TEX10: variants seen among roughly 807,000 people sequenced by gnomAD.
TEX10 encodes testis expressed 10.
A neutral mutation model predicts 104.4 loss-of-function variants in TEX10; 24 were observed. The observed-to-expected ratio is 0.23, with a 90% confidence interval of 0.17 to 0.32. The LOEUF (loss-of-function observed/expected upper bound fraction) is 0.32, where lower values mean the gene tolerates loss of function less well. Ranked by LOEUF, TEX10 falls within the 10% of genes least tolerant of loss-of-function variation. The pLI is 1.00. For synonymous variants in TEX10, 396 were observed against 393.4 expected (o/e 1.01, Z -0.08); for missense variants, 921 against 1,083.9 (o/e 0.85, Z 2.11).
At chr9:100,318,396 G>T (rs1834475170) in intron 11 of TEX10, among the ~76,000 whole-genome samples, 1 of 152,114 alleles carries the variant, frequency 6.6e-6, no homozygotes, top group Non-Finnish European at 1.5e-5. Context: ...GCTTGTAAGT[G>T]GGAGCTAAAA....
At chr9:100,345,355 CT>C (rs1408748765) in intron 4 of TEX10, among the ~76,000 whole-genome samples, 2 of 152,158 alleles carry the variant, frequency 1.3e-5, no homozygotes, top group Non-Finnish European at 2.9e-5. Flanking sequence ...TAAACTTCAA[CT>C]TGAAATAAAA....
chr9:100,346,146 C>G lies in TEX10; in HGVS notation c.1063G>C (p.Val355Leu). The G allele has an allele frequency of 6.2e-7, 1 of 1,613,956 alleles. No individual in the cohort carries two copies. The change falls in exon 4 of 15, where the codon GTT (valine) becomes CTT (leucine). Residue 355 changes from valine (V) to leucine (L), a missense_variant. This residue lies in a region of TEX10 where 753 missense variants were observed against 868.4 expected (regional missense o/e 0.87). Coordinates refer to ENST00000374902, the MANE Select transcript of TEX10 (RefSeq NM_017746.4). ...ATAATATTAAGAACTTGCTGCATAA[C>G]CTGTAGAGGTTCTCGTTCTATACCA... ...GNGIEREPLQ[V>L]MQQVLNIISL...
chr9:100,347,046 T>C lies in TEX10; in HGVS notation c.541A>G (p.Ile181Val), dbSNP rs766968984. The C allele has an allele frequency of 6.7e-5, 108 of 1,614,088 alleles. No homozygotes were observed. Among genetic ancestry groups the C allele is most frequent in the Non-Finnish European group, 8.8e-5 (104 of 1,180,036 alleles). ...AGTTCTACAAAATTCTTAAGCAATA[T>C]GCTGCTACGGCCAGTAATTAGAGCT... The part of the protein sequence containing the change: ...YPALITGRSS[I>V]LLKNFVELIS... Residue 181 changes from isoleucine (I) to valine (V), a missense_variant, in exon 3 of 15, where the codon ATA (isoleucine) becomes GTA (valine). Transcript: ENST00000374902.
intron 3 of TEX10, 35 bp from the exon 4 acceptor site, chr9:100,346,350 T>TA: frequency 6.4e-7 from 1 of 1,571,344 alleles, no homozygotes. Context: ...ATTAAGTGAT[T>TA]AAAAAATGTT....
chr9:100,336,906 T>C (rs546583309), intron 5 of TEX10, among the ~76,000 whole-genome samples: 1 of 152,318 alleles, frequency 6.6e-6, no homozygotes, highest in East Asian at 1.9e-4. Context: ...GGGAATCTTT[T>C]GAAAAGTAGG....
At chr9:100,320,733 C>G (rs1834548014) in intron 10 of TEX10, among the ~76,000 whole-genome samples, 1 of 152,146 alleles carries the variant, frequency 6.6e-6, no homozygotes. Flanking sequence ...AGCAAATGAG[C>G]AAGTAAAAGC....
At chr9:100,343,875 G>A (rs561772864) in intron 4 of TEX10, among the ~76,000 whole-genome samples, 1 of 152,290 alleles carries the variant, frequency 6.6e-6, no homozygotes, top group Non-Finnish European at 1.5e-5. Context: ...GCCAGGCAAA[G>A]AGGCTCATGC....
intron 4 of TEX10, 83 bp from the exon 5 acceptor site, chr9:100,340,452 T>C: frequency 1.3e-6 from 1 of 767,514 alleles, no homozygotes; most frequent in Non-Finnish European, 2.1e-6. Context: ...TGACAACTTG[T>C]CAAATAAATG....
chr9:100,345,674 A>G (rs970481433), intron 4 of TEX10, among the ~76,000 whole-genome samples: 2 of 152,182 alleles, frequency 1.3e-5, no homozygotes, highest in Non-Finnish European at 2.9e-5. Context: ...GTCCCTTTCT[A>G]CTAAACCTGG....
chr9:100,329,092 G>T, intron 7 of TEX10, 48 bp downstream of exon 7: 1 of 1,530,896 alleles, frequency 6.5e-7, no homozygotes. Flanking sequence ...TTAGACTACA[G>T]AAAAACTCAG....
chr9:100,314,378 G>A (rs888736204), intron 11 of TEX10, among the ~76,000 whole-genome samples: 9 of 152,092 alleles, frequency 5.9e-5, no homozygotes, highest in African/African-American at 2.4e-5. Context: ...GAGCCACTGC[G>A]CCCGGCCTGG....
chr9:100,317,817 A>T (rs1406409490), intron 11 of TEX10, among the ~76,000 whole-genome samples: 1 of 152,232 alleles, frequency 6.6e-6, no homozygotes, highest in Non-Finnish European at 1.5e-5. Flanking sequence ...AAAAGTAGAC[A>T]AAAGGATATG....
intron 4 of TEX10, among the ~76,000 whole-genome samples, chr9:100,344,169 C>A (rs1050986003): frequency 6.6e-6 from 1 of 152,090 alleles, no homozygotes; most frequent in South Asian, 2.1e-4. Flanking sequence ...TTATTCCTAT[C>A]TGAATTTATT....
rs766088923 is a variant in TEX10, at chr9:100,303,725, G to C, written c.2583C>G (p.Gly861=). ...RVGPEELPVV[G]QLLRLLLQHA... ...GCTGAAGCAGCAGTCGAAGCAGCTGGCCCACAACAGGCAGCTCCTCAGGCC... is the reference window on the plus strand; with the variant it reads ...GCTGAAGCAGCAGTCGAAGCAGCTGCCCCACAACAGGCAGCTCCTCAGGCC... The change falls in exon 14 of 15, where the codon GGC becomes GGG. Residue 861 remains glycine (G), a synonymous_variant. Coordinates refer to ENST00000374902, the MANE Select transcript of TEX10 (RefSeq NM_017746.4). The C allele has an allele frequency of 6.2e-7, 1 of 1,614,018 alleles. No homozygotes were observed. Among genetic ancestry groups the C allele is most frequent in the East Asian group, 2.2e-5 (1 of 44,880 alleles).
In TEX10 at chr9:100,328,873, G is replaced by A. The variant is rs911218419; in HGVS notation, c.1625+267C>T. 2.6e-5 allele frequency among the ~76,000 whole-genome samples: 4 copies of A among 152,208 alleles called. No homozygotes were observed. In the South Asian group the frequency reaches 6.2e-4, roughly 24 times the overall value. ...TGGGAGGGGAAGAGAAAGGGCTGAG[G>A]TTGTTCCAACTGTCCCTTAGCTATA... On this transcript the variant is annotated intron_variant, in intron 7 of 14. Transcript: ENST00000374902.
intron 7 of TEX10, among the ~76,000 whole-genome samples, chr9:100,328,518 C>G (rs189362143): frequency 6.2e-4 from 95 of 152,280 alleles, no homozygotes; most frequent in Middle Eastern, 6.8e-3. Context: ...AAAATGGAAG[C>G]TAACAGTATC....
At chr9:100,324,234 C>T (rs1588173636) in intron 9 of TEX10, among the ~76,000 whole-genome samples, 1 of 151,914 alleles carries the variant, frequency 6.6e-6, no homozygotes, top group South Asian at 2.1e-4. Flanking sequence ...GGTTTCACCA[C>T]GTTGGCCAGG....
At chr9:100,333,259 C>T (rs929485309) in intron 5 of TEX10, among the ~76,000 whole-genome samples, 7 of 152,058 alleles carry the variant, frequency 4.6e-5, no homozygotes, top group Admixed American at 2.6e-4. Context: ...CCACTGTGCC[C>T]GGACAACATC....
intron 11 of TEX10, among the ~76,000 whole-genome samples, chr9:100,318,922 T>A (rs894717733): frequency 6.6e-5 from 10 of 152,166 alleles, no homozygotes; most frequent in Non-Finnish European, 1.3e-4. Flanking sequence ...CTGGGAGCAG[T>A]GGCTCACACC....
Sources: allele counts gnomAD v4.1 joint callset (sites outside exome capture counted in the v4.1 genomes callset), GRCh38; gene constraint gnomAD v4.1.1; regional missense constraint gnomAD v4.1.1; transcripts MANE v1.5; gene names NCBI Gene and HGNC (gene_info 2026-07-23, HGNC 2026-07-21).